The following KLHL30 variants were observed in gnomAD, a reference collection of about 807,000 sequenced individuals.
KLHL30 encodes the protein kelch-like protein 30.
Under a neutral mutation model 55.0 loss-of-function variants are expected in KLHL30, and 55 were observed. The observed-to-expected ratio is 1.00, with a 90% CI of 0.80 to 1.25. The LOEUF (loss-of-function observed/expected upper bound fraction) is 1.25. Among genes scored for constraint, KLHL30 ranks in the 50% most tolerant of loss-of-function variants. The pLI is 0.00. For synonymous variants in KLHL30, 356 were observed against 372.6 expected (o/e 0.96, Z 0.51); for missense variants, 786 against 811.6 (o/e 0.97, Z 0.38).
chr2:238,149,636 A>G (rs1455292711), intron 7 of KLHL30, among the ~76,000 whole-genome samples: 4 of 152,170 alleles, frequency 2.6e-5, no homozygotes, highest in African/African-American at 9.7e-5. Context: ...AGCCAGGTTC[A>G]GCCGGAGGGT....
rs1424102317 is a variant in KLHL30 at position 238,142,791 on chromosome 2, C to T, written c.775-8C>T. On this transcript the variant is annotated splice_polypyrimidine_tract_variant and splice_region_variant and intron_variant, in intron 2 of 7. Transcript: ENST00000409223. ...CTGTTGCCCTGACCCTGGCCTCCCACCCCACAGGCACCACTCGCCCTCCAG... is the reference window on the plus strand; with the variant it reads ...CTGTTGCCCTGACCCTGGCCTCCCATCCCACAGGCACCACTCGCCCTCCAG... The T allele has an allele frequency of 7.9e-6, 11 of 1,387,728 alleles. No individual in the cohort carries two copies. The highest frequency in any genetic ancestry group is 9.3e-6 in the Non-Finnish European group (10 of 1,072,512). The allele number at this position is 1,387,728 out of a possible 1,614,324, so 86.0% of individuals were successfully genotyped here. A position where few individuals can be genotyped will look rare whatever the true frequency, so the allele number is the denominator to read the frequency against.
intron 2 of KLHL30, among the ~76,000 whole-genome samples, chr2:238,141,980 G>A (rs1692551471): frequency 1.3e-5 from 2 of 152,256 alleles, no homozygotes; most frequent in Non-Finnish European, 2.9e-5. Flanking sequence ...CATCCAGGAA[G>A]GAGGTGCAGC....
intron 1 of KLHL30, among the ~76,000 whole-genome samples, chr2:238,140,067 T>C (rs960677714): frequency 2.6e-5 from 4 of 152,178 alleles, no homozygotes; most frequent in African/African-American, 7.2e-5. Flanking sequence ...TGAGTTCAAA[T>C]TCCAGCTCCA....
Position 238,142,891 on chromosome 2 carries a change from C to G in KLHL30, c.867C>G (p.Thr289=). 1 of 1,496,448 alleles carries G rather than the reference C, an allele frequency of 6.7e-7. No homozygotes were observed. Among genetic ancestry groups the G allele is most frequent in the Non-Finnish European group, 8.8e-7 (1 of 1,133,908 alleles). The allele number at this position is 1,496,448 out of a possible 1,614,324, so 92.7% of individuals were successfully genotyped here. A position where few individuals can be genotyped will look rare whatever the true frequency, so the allele number is the denominator to read the frequency against. Residue 289 remains threonine, a synonymous_variant, in exon 3 of 8, where the codon ACC becomes ACG. Transcript: ENST00000409223. Reference sequence around the variant, plus strand: ...AGGAGGAGGCAGGTGAGGAGCCCACCCCCGGCCTTGGGAACTTTGCCTTCT... The same window carrying G: ...AGGAGGAGGCAGGTGAGGAGCCCACGCCCGGCCTTGGGAACTTTGCCTTCT... The part of the protein sequence containing the change: ...LEEEEAGEEP[T]PGLGNFAFYN...
At position 238,147,948 on chromosome 2, in the gene KLHL30, G is replaced by T. The variant is rs376922447; in HGVS notation, c.1265G>T (p.Gly422Val). The T allele has an allele frequency of 3.0e-5, 48 of 1,585,226 alleles. No homozygotes were observed. The African/African-American group carries it at 5.4e-4, about 18-fold the overall frequency. The change falls in exon 6 of 8, where the codon GGC (glycine) becomes GTC (valine). Residue 422 changes from glycine (G) to valine (V), a missense_variant. Gly to Val is a moderately radical substitution (Grantham distance 109). Transcript: ENST00000409223. The surrounding 1 kb of genome is among the most constrained non-coding windows in gnomAD (Gnocchi z 5.8). ...AACTTCTCGGCTGCCGGCTGCCGGG[G>T]CCGGCTCTACCTGGTGGGCTCCAGC... is the stretch of plus-strand genomic sequence containing the variant. ...VSNFSAAGCR[G>V]RLYLVGSSAC...
In KLHL30 at chr2:238,141,502, G is replaced by A; in HGVS notation, c.748G>A (p.Ala250Thr). 6.8e-7 allele frequency: 1 copy of A among 1,469,024 alleles called. No individual in the cohort carries two copies. The highest frequency in any genetic ancestry group is 9.0e-7 in the Non-Finnish European group (1 of 1,115,768). 91.0% of individuals were successfully genotyped at this position (1,469,024 alleles called of 1,614,324 possible). A position where few individuals can be genotyped will look rare whatever the true frequency, so the allele number is the denominator to read the frequency against. The change falls in exon 2 of 8, where the codon GCA becomes ACA. Residue 250 changes from alanine to threonine, a missense_variant. Transcript: ENST00000409223. ...PLIQESEACR[A>T]ALSQGHDGAP... ...GATCCAGGAGTCAGAGGCATGCCGG[G>A]CAGCCCTGTCCCAGGGCCATGATGG... is the stretch of plus-strand genomic sequence containing the variant.
rs200448099 is a variant in KLHL30, at chr2:238,140,989, G to T, written c.235G>T (p.Val79Leu). Residue 79 changes from valine (V) to leucine (L), a missense_variant, in exon 2 of 8, where the codon GTG (valine) becomes TTG (leucine). Transcript: ENST00000409223. Reference protein sequence around the residue: ...SFSARVELRDVEPAVVGQLVD... With the variant: ...SFSARVELRDLEPAVVGQLVD... ...CTCTGCGCGCGTGGAGCTGCGGGAC[G>T]TGGAGCCCGCCGTGGTGGGACAACT... 6.2e-7 allele frequency: 1 copy of T among 1,612,492 alleles called. No homozygotes were observed. The highest frequency in any genetic ancestry group is 1.3e-5 in the African/African-American group (1 of 75,072).
At position 238,152,629 on chromosome 2, in the gene KLHL30, AAAGTG is replaced by A. The variant is rs1692778767; in HGVS notation, c.*1565_*1569del. On this transcript the variant is annotated 3_prime_UTR_variant, in exon 8 of 8. Coordinates refer to ENST00000409223, the MANE Select transcript of KLHL30 (RefSeq NM_198582.4). ...GGTGATCCGCCCGCCTCAGCCTCCC[AAAGTG>A]CTGGGATTACAAGGTGTGGGAGAAG... 1 of 152,150 alleles carries A rather than the reference AAAGTG, an allele frequency of 6.6e-6. No individual in the cohort carries two copies. The highest frequency in any genetic ancestry group is 2.4e-5 in the African/African-American group (1 of 41,412). The allele number at this position is 152,150 out of a possible 1,614,324, so 9.4% of individuals were successfully genotyped here.
rs1488557711 is a variant in KLHL30 at position 238,148,918 on chromosome 2, T to G, written c.1340-89T>G. Reference sequence around the variant, plus strand: ...GGTTCACTGAGGTTCAGAGAGGCACTGAGTCCAGGGTCCCTCAGAGTGGGG... The same window carrying G: ...GGTTCACTGAGGTTCAGAGAGGCACGGAGTCCAGGGTCCCTCAGAGTGGGG... On this transcript the variant is annotated intron_variant, in intron 6 of 7. Transcript: ENST00000409223. The G allele has an allele frequency of 3.0e-6, 4 of 1,341,348 alleles. No homozygotes were observed. The Admixed American group carries it at 8.1e-5, about 27-fold the overall frequency. The allele number at this position is 1,341,348 out of a possible 1,614,324, so 83.1% of individuals were successfully genotyped here.
chr2:238,145,702 C>T lies in KLHL30; in HGVS notation c.1020C>T (p.Asp340=), dbSNP rs1410669547. Residue 340 remains aspartate, a synonymous_variant, in exon 5 of 8, where the codon GAC becomes GAT. Coordinates refer to ENST00000409223, the MANE Select transcript of KLHL30 (RefSeq NM_198582.4). ...GTGGCTCTCGGGGCACAAAGACAGA[C>T]ACCTGGTCAACCACCCAGGCCTGGT... ...VTGGSRGTKT[D]TWSTTQAWCF... is the part of the protein sequence containing the mutation. 3.2e-6 allele frequency: 5 copies of T among 1,585,536 alleles called. No individual in the cohort carries two copies. The African/African-American group carries it at 4.0e-5, about 13-fold the overall frequency.
At chr2:238,142,091 G>A (rs1026299612) in intron 2 of KLHL30, among the ~76,000 whole-genome samples, 4 of 152,226 alleles carry the variant, frequency 2.6e-5, no homozygotes, top group African/African-American at 9.6e-5. Flanking sequence ...GGCAGGCATG[G>A]CAGGTCATGA....
At position 238,152,874 on chromosome 2, in the gene KLHL30, C is replaced by G. The variant is rs1461845310; in HGVS notation, c.*1809C>G. ...GCCAAAGGGCTGTTTAAAAACAAAG[C>G]CTCCATGTAAACCATTTCTGCAAGA... On this transcript the variant is annotated 3_prime_UTR_variant, in exon 8 of 8. Coordinates refer to ENST00000409223, the MANE Select transcript of KLHL30 (RefSeq NM_198582.4). 6.6e-6 allele frequency: 1 copy of G among 152,198 alleles called. No individual in the cohort carries two copies. Among genetic ancestry groups the G allele is most frequent in the African/African-American group, 2.4e-5 (1 of 41,444 alleles). The allele number at this position is 152,198 out of a possible 1,614,324, so 9.4% of individuals were successfully genotyped here.
At chr2:238,142,238 G>A (rs1692555684) in intron 2 of KLHL30, among the ~76,000 whole-genome samples, 1 of 152,224 alleles carries the variant, frequency 6.6e-6, no homozygotes, top group South Asian at 2.1e-4. Context: ...GGCCAAGGGT[G>A]GAGTGAGTAG....
chr2:238,147,807 T>G lies in KLHL30; in HGVS notation c.1151-27T>G. The G allele has an allele frequency of 4.5e-6, 5 of 1,112,754 alleles. No homozygotes were observed. Among genetic ancestry groups the G allele is most frequent in the Non-Finnish European group, 3.6e-6 (3 of 836,562 alleles). 68.9% of individuals were successfully genotyped at this position (1,112,754 alleles called of 1,614,324 possible). A position where few individuals can be genotyped will look rare whatever the true frequency, so the allele number is the denominator to read the frequency against. ...AGGCCTCCCCTCTCCTCCCCAGCCCTGAACTGCCCCCGCCCTCACCCCACA... is the reference window on the plus strand; with the variant it reads ...AGGCCTCCCCTCTCCTCCCCAGCCCGGAACTGCCCCCGCCCTCACCCCACA... On this transcript the variant is annotated intron_variant, in intron 5 of 7. Transcript: ENST00000409223. This position sits in a 1 kb window ranked among gnomAD's most constrained non-coding sequence, Gnocchi z 5.8.
At position 238,144,994 on chromosome 2, in the gene KLHL30, C is replaced by A. The variant is rs1177629818; in HGVS notation, c.994+6C>A. 8 of 1,593,550 alleles carry A rather than the reference C, an allele frequency of 5.0e-6. No individual in the cohort carries two copies. Among genetic ancestry groups the A allele is most frequent in the Non-Finnish European group, 6.0e-6 (7 of 1,169,970 alleles). On this transcript the variant is annotated splice_donor_region_variant and intron_variant, in intron 4 of 7. Transcript: ENST00000409223. ...CAACAACATCTATGTCACAGGTGGG[C>A]AGCTCGGGGACCCTTCCAGAGATGC...
rs748756482 is a variant in KLHL30, at chr2:238,141,385, C to G, written c.631C>G (p.Arg211Gly). 2 of 1,593,886 alleles carry G rather than the reference C, an allele frequency of 1.3e-6. No individual in the cohort carries two copies. The highest frequency in any genetic ancestry group is 2.2e-5 in the East Asian group (1 of 44,524). ...MRWVRHDPQA[R>G]AAHLPELLSL... is the part of the protein sequence containing the mutation. ...CTGGGTGCGCCATGACCCGCAGGCCCGGGCCGCCCACCTGCCCGAGCTGCT... is the reference window on the plus strand; with the variant it reads ...CTGGGTGCGCCATGACCCGCAGGCCGGGGCCGCCCACCTGCCCGAGCTGCT... Residue 211 changes from arginine to glycine, a missense_variant, in exon 2 of 8, where the codon CGG (arginine) becomes GGG (glycine). Physicochemically the swap from Arg to Gly is moderately radical, Grantham distance 125. Coordinates refer to ENST00000409223, the MANE Select transcript of KLHL30 (RefSeq NM_198582.4).
chr2:238,151,211 C>T lies in KLHL30; in HGVS notation c.*146C>T, dbSNP rs528499972. On this transcript the variant is annotated 3_prime_UTR_variant, in exon 8 of 8. Transcript: ENST00000409223. ...CAGGCCACCAGGGGTGATCAGACGG[C>T]ATGGCTTGGAGGACACAGCCTTGGT... 9.5e-6 allele frequency: 11 copies of T among 1,152,000 alleles called. No homozygotes were observed. The highest frequency in any genetic ancestry group is 7.7e-5 in the Admixed American group (3 of 38,892). The allele number at this position is 1,152,000 out of a possible 1,614,324, so 71.4% of individuals were successfully genotyped here. A position where few individuals can be genotyped will look rare whatever the true frequency, so the allele number is the denominator to read the frequency against.
At chr2:238,150,790 C>G (rs753937104) in intron 7 of KLHL30, 24 bp from the exon 8 acceptor site, 2 of 1,556,600 alleles carry the variant, frequency 1.3e-6, no homozygotes, top group African/African-American at 1.4e-5. Flanking sequence ...GCCCACCGGA[C>G]GCTAACCCGC....
rs574320614 is a variant in KLHL30, at chr2:238,141,145, G to T, written c.391G>T (p.Asp131Tyr). The part of the protein sequence containing the change: ...VCGRYLQQQL[D>Y]AANCLGICEF... Reference sequence around the variant, plus strand: ...CGGCCGCTACCTGCAGCAGCAACTGGATGCCGCCAACTGCCTGGGCATCTG... The same window carrying T: ...CGGCCGCTACCTGCAGCAGCAACTGTATGCCGCCAACTGCCTGGGCATCTG... The change falls in exon 2 of 8, where the codon GAT (aspartate) becomes TAT (tyrosine). Residue 131 changes from aspartate to tyrosine, a missense_variant. Coordinates refer to ENST00000409223, the MANE Select transcript of KLHL30 (RefSeq NM_198582.4). 2.4e-4 allele frequency: 382 copies of T among 1,611,688 alleles called. 3 individuals carry two copies. The South Asian group carries it at 2.9e-3, about 12-fold the overall frequency.
Sources: allele counts gnomAD v4.1 joint callset (sites outside exome capture counted in the v4.1 genomes callset), GRCh38; gene constraint gnomAD v4.1.1; non-coding constraint Gnocchi (gnomAD v3.1); transcripts MANE v1.5; gene names NCBI Gene and HGNC (gene_info 2026-07-23, HGNC 2026-07-21).